Variants in ZNF277 observed in about 807,000 individuals in gnomAD.
ZNF277 encodes nuclear receptor-interacting factor 4.
In ZNF277, 55 loss-of-function variants were observed where a neutral mutation model predicts 60.7. That is an observed-to-expected ratio of 0.91 (90% CI 0.73 to 1.13). The LOEUF is 1.13. Among genes scored for constraint, ZNF277 ranks in the 50% most tolerant of loss-of-function variants. The pLI is 0.00. For missense variants in ZNF277, 510 were observed against 523.0 expected, an observed-to-expected ratio of 0.98 and a Z score of 0.24; for synonymous variants, 178 against 179.3, an observed-to-expected ratio of 0.99 and a Z score of 0.06.
At chr7:112,289,150 A>G (rs1343406607) in intron 2 of ZNF277, among the ~76,000 whole-genome samples, 1 of 152,182 alleles carries the variant, frequency 6.6e-6, no homozygotes, top group Non-Finnish European at 1.5e-5. Flanking sequence ...CTAAAAACCT[A>G]ATTATCATTT....
chr7:112,340,579 T>C (rs1244258190), intron 10 of ZNF277, among the ~76,000 whole-genome samples: 1 of 152,206 alleles, frequency 6.6e-6, no homozygotes, highest in Admixed American at 6.5e-5. Context: ...GACAGCTATC[T>C]ATGCGATGCT....
At chr7:112,308,372 C>T (rs1366289418) in intron 4 of ZNF277, among the ~76,000 whole-genome samples, 1 of 151,932 alleles carries the variant, frequency 6.6e-6, no homozygotes, top group Non-Finnish European at 1.5e-5. Context: ...AAAAAATTAG[C>T]CAGGCGTCAT....
At chr7:112,253,360 A>G (rs973367872) in intron 1 of ZNF277, among the ~76,000 whole-genome samples, 4 of 152,190 alleles carry the variant, frequency 2.6e-5, no homozygotes, top group African/African-American at 9.6e-5. Context: ...TAATATAAGT[A>G]TCGTTACAAA....
At chr7:112,233,981 G>A (rs1157062790) in intron 1 of ZNF277, among the ~76,000 whole-genome samples, 1 of 151,442 alleles carries the variant, frequency 6.6e-6, no homozygotes, top group Non-Finnish European at 1.5e-5. Context: ...AGTTACTTAG[G>A]TAATTTTACT....
intron 1 of ZNF277, among the ~76,000 whole-genome samples, chr7:112,262,149 C>G (rs1791451593): frequency 6.6e-6 from 1 of 151,296 alleles, no homozygotes; most frequent in African/African-American, 2.4e-5. Context: ...AGCTCTCCTC[C>G]TTCCTACAAT....
chr7:112,277,740 G>T (rs148311314), intron 1 of ZNF277, among the ~76,000 whole-genome samples: 3,014 of 152,102 alleles, frequency 0.02, 50 homozygotes, highest in Middle Eastern at 0.041. Context: ...GCAGCATCAG[G>T]TTAGATGATT....
At chr7:112,303,867 G>T (rs1393265305) in intron 4 of ZNF277, among the ~76,000 whole-genome samples, 1 of 152,032 alleles carries the variant, frequency 6.6e-6, no homozygotes, top group Non-Finnish European at 1.5e-5. Flanking sequence ...CTCAAAAGTA[G>T]AAGAAAAATA....
intron 5 of ZNF277, among the ~76,000 whole-genome samples, chr7:112,319,295 C>G (rs1170990528): frequency 6.6e-6 from 1 of 151,984 alleles, no homozygotes. Context: ...AGGGTCCTAC[C>G]ATGAGTCTCC....
At chr7:112,309,419 A>G (rs927678671) in intron 4 of ZNF277, among the ~76,000 whole-genome samples, 5 of 151,852 alleles carry the variant, frequency 3.3e-5, no homozygotes, top group African/African-American at 1.2e-4. Flanking sequence ...TAATTTCCCT[A>G]TATAGTCTTA....
chr7:112,246,190 C>A (rs993460659), intron 1 of ZNF277, among the ~76,000 whole-genome samples: 1 of 151,902 alleles, frequency 6.6e-6, no homozygotes, highest in East Asian at 1.9e-4. Context: ...TTGAGACCAG[C>A]CCGGGCAACA....
At chr7:112,327,062 G>T (rs922200518) in intron 5 of ZNF277, among the ~76,000 whole-genome samples, 6 of 152,248 alleles carry the variant, frequency 3.9e-5, no homozygotes, top group Admixed American at 1.3e-4. Context: ...TGATACTCTG[G>T]CTAAATGCCT....
At chr7:112,325,152 C>A (rs1404385096) in intron 5 of ZNF277, among the ~76,000 whole-genome samples, 2 of 152,156 alleles carry the variant, frequency 1.3e-5, no homozygotes, top group South Asian at 2.1e-4. Flanking sequence ...GACAGCCAGC[C>A]CCTTCTTGAG....
intron 1 of ZNF277, among the ~76,000 whole-genome samples, chr7:112,258,535 CT>C (rs1791374449): frequency 1.3e-5 from 2 of 152,134 alleles, no homozygotes; most frequent in Admixed American, 6.6e-5. Context: ...TCTGGCACCC[CT>C]GTTCCTAGCA....
intron 8 of ZNF277, 125 bp downstream of exon 8, chr7:112,336,296 T>G: frequency 1.4e-6 from 1 of 734,134 alleles, no homozygotes; most frequent in Non-Finnish European, 2.1e-6. Context: ...GAGCCATGCA[T>G]CCCTTCATGT....
At chr7:112,314,444 A>G (rs1322415228) in intron 4 of ZNF277, among the ~76,000 whole-genome samples, 4 of 152,114 alleles carry the variant, frequency 2.6e-5, no homozygotes, top group Non-Finnish European at 5.9e-5. Context: ...TGTTCTTGCT[A>G]TTCCCTATAA....
At chr7:112,227,057 G>A (rs764483818) in intron 1 of ZNF277, among the ~76,000 whole-genome samples, 3 of 152,080 alleles carry the variant, frequency 2.0e-5, no homozygotes, top group Non-Finnish European at 4.4e-5. Context: ...CTCTTTGCTT[G>A]TTACTTTTTG....
At chr7:112,313,489 G>A (rs1379908531) in intron 4 of ZNF277, among the ~76,000 whole-genome samples, 1 of 151,798 alleles carries the variant, frequency 6.6e-6, no homozygotes, top group African/African-American at 2.4e-5. Flanking sequence ...TCCCTATGTT[G>A]CCCAGGCTGT....
rs140152769 is a variant in ZNF277, at chr7:112,251,214, A to G, written c.92-35659A>G. On this transcript the variant is annotated intron_variant, in intron 1 of 11. Transcript: ENST00000361822. The stretch of plus-strand genomic sequence containing the variant: ...TCTCTTCTCAGTTTGCTGCATGTTT[A>G]TGTGCTAAATTTAATGATTTTTAAC... 3.9e-3 allele frequency among the ~76,000 whole-genome samples: 599 copies of G among 152,228 alleles called. 3 individuals carry two copies. Among genetic ancestry groups the G allele is most frequent in the South Asian group, 0.016 (76 of 4,826 alleles).
In ZNF277 at chr7:112,302,511, G is replaced by T. The variant is rs561068450; in HGVS notation, c.465+6200G>T. 8.5e-4 allele frequency among the ~76,000 whole-genome samples: 130 copies of T among 152,174 alleles called. 1 individual carries two copies. Among genetic ancestry groups the T allele is most frequent in the African/African-American group, 2.9e-3 (120 of 41,540 alleles). ...AATAAAATTTTCTTAAATATAAGAT[G>T]ATATTTCCCATTGAATGTAACATTG... On this transcript the variant is annotated intron_variant, in intron 4 of 11. Transcript: ENST00000361822.
Sources: gnomAD v4.1 joint callset for allele counts (sites outside exome capture counted in the v4.1 genomes callset) on GRCh38, gnomAD v4.1.1 for gene constraint, MANE v1.5 for transcripts, NCBI Gene and HGNC (gene_info 2026-07-23, HGNC 2026-07-21) for gene names.